Variants in RBFOX1 observed in about 807,000 individuals in gnomAD.
RBFOX1 encodes the protein RNA binding fox-1 homolog 1.
A neutral mutation model predicts 57.7 loss-of-function variants in RBFOX1; 8 were observed. That is an observed-to-expected ratio of 0.14 (90% confidence interval 0.08 to 0.25). The LOEUF is 0.25. Among genes scored for constraint, RBFOX1 ranks in the 10% least tolerant of loss-of-function variants. The pLI is 1.00. For missense variants in RBFOX1, 611 were observed against 548.5 expected (o/e 1.11, Z -1.14); for synonymous variants, 326 against 222.4 (o/e 1.47, Z -4.15).
chr16:6,786,269 G>T (rs577212748), intron 3 of RBFOX1, among the ~76,000 whole-genome samples: 1 of 152,224 alleles, frequency 6.6e-6, no homozygotes, highest in Non-Finnish European at 1.5e-5. Context: ...CAGGAGACGG[G>T]GCTTTTTGGC....
chr16:7,342,985 A>T (rs891085265), intron 4 of RBFOX1, among the ~76,000 whole-genome samples: 8 of 152,100 alleles, frequency 5.3e-5, no homozygotes, highest in African/African-American at 1.7e-4. Context: ...TTTGTCCAGA[A>T]CATGCTGGGA....
At chr16:5,389,948 C>T (rs924306480) in intron 1 of RBFOX1, among the ~76,000 whole-genome samples, 8 of 152,092 alleles carry the variant, frequency 5.3e-5, no homozygotes, top group Non-Finnish European at 7.4e-5. Context: ...ATCCCCCTTC[C>T]TCCGCCTCCC....
intron 2 of RBFOX1, among the ~76,000 whole-genome samples, chr16:6,458,435 T>C (rs2094830373): frequency 6.6e-6 from 1 of 152,194 alleles, no homozygotes; most frequent in Non-Finnish European, 1.5e-5. Flanking sequence ...ATTAGAAGAC[T>C]CAAATGAGAA....
intron 5 of RBFOX1, among the ~76,000 whole-genome samples, chr16:7,546,641 T>G (rs1182800552): frequency 2.0e-5 from 3 of 152,188 alleles, no homozygotes; most frequent in African/African-American, 7.2e-5. Flanking sequence ...TTTTGTGGAT[T>G]TCTCTTTAAC....
rs118137192 is a variant in RBFOX1 at position 7,197,887 on chromosome 16, A to C, written c.27+145789A>C. ...GAAAATTCACAGAGACAGAAAACAGAATGGGGGTTGCCAAGGGAGCAGGAA... is the reference window on the plus strand; with the variant it reads ...GAAAATTCACAGAGACAGAAAACAGCATGGGGGTTGCCAAGGGAGCAGGAA... On this transcript the variant is annotated intron_variant, in intron 4 of 15. Transcript: ENST00000550418. 1.2e-4 allele frequency among the ~76,000 whole-genome samples: 19 copies of C among 152,152 alleles called. No individual in the cohort carries two copies. In the East Asian group the frequency reaches 3.7e-3, roughly 29 times the overall value.
intron 1 of RBFOX1, among the ~76,000 whole-genome samples, chr16:6,210,682 C>A (rs1296064475): frequency 6.6e-6 from 1 of 151,854 alleles, no homozygotes; most frequent in Non-Finnish European, 1.5e-5. Context: ...GTGATTGTGC[C>A]ACTGCACTCC....
chr16:6,858,817 C>T, intron 3 of RBFOX1, among the ~76,000 whole-genome samples: 1 of 151,950 alleles, frequency 6.6e-6, no homozygotes, highest in East Asian at 1.9e-4. Flanking sequence ...TTCGCCTCTG[C>T]TGGTTAGAAG....
intron 4 of RBFOX1, among the ~76,000 whole-genome samples, chr16:5,887,454 T>G (rs940302495): frequency 6.6e-6 from 1 of 152,220 alleles, no homozygotes; most frequent in African/African-American, 2.4e-5. Context: ...CAGGCTGGAG[T>G]GCAGTGGTGC....
At chr16:5,673,260 C>T (rs1047056024) in intron 3 of RBFOX1, among the ~76,000 whole-genome samples, 8 of 152,074 alleles carry the variant, frequency 5.3e-5, no homozygotes, top group Admixed American at 4.6e-4. Context: ...CAACAAGAAG[C>T]AACCCACATT....
chr16:7,439,798 A>G (rs2098751654), intron 4 of RBFOX1, among the ~76,000 whole-genome samples: 1 of 152,106 alleles, frequency 6.6e-6, no homozygotes, highest in Non-Finnish European at 1.5e-5. Flanking sequence ...CTTGCTTGTC[A>G]AATTGGGATG....
chr16:7,698,470 A>G (rs2079538754), intron 14 of RBFOX1, among the ~76,000 whole-genome samples: 1 of 152,068 alleles, frequency 6.6e-6, no homozygotes, highest in Non-Finnish European at 1.5e-5. Flanking sequence ...ATTAGAAGCA[A>G]GTTCAGGGGT....
At chr16:5,696,230 T>C (rs982136404) in intron 3 of RBFOX1, among the ~76,000 whole-genome samples, 1 of 152,228 alleles carries the variant, frequency 6.6e-6, no homozygotes, top group African/African-American at 2.4e-5. Flanking sequence ...CCATTTTCAT[T>C]GTCTTCCTTA....
chr16:7,631,695 G>A (rs2060988580), intron 11 of RBFOX1, among the ~76,000 whole-genome samples: 1 of 152,110 alleles, frequency 6.6e-6, no homozygotes, highest in Non-Finnish European at 1.5e-5. Flanking sequence ...AGGAGAGCAG[G>A]AGTACCAGGC....
At chr16:6,539,282 T>C (rs1469235185) in intron 2 of RBFOX1, among the ~76,000 whole-genome samples, 1 of 152,136 alleles carries the variant, frequency 6.6e-6, no homozygotes, top group African/African-American at 2.4e-5. Flanking sequence ...TCCTTCAATT[T>C]CCTTGTGCCT....
rs148421648 is a variant in RBFOX1 at position 5,590,046 on chromosome 16, TACACAC to T, written c.259-8830_259-8825del. On this transcript the variant is annotated intron_variant, in intron 2 of 2. Coordinates refer to the RBFOX1 transcript ENST00000585867. ...TAGCGTTTCAGAGGAGTCTGCGTGT[TACACAC>T]ACACACACACACACACACACACACA... Among the ~76,000 whole-genome samples the T allele has an allele frequency of 3.9e-4, 56 of 142,950 alleles. 1 individual carries two copies. Among genetic ancestry groups the T allele is most frequent in the South Asian group, 7.0e-4 (3 of 4,294 alleles). 93.8% of individuals were successfully genotyped at this position (142,950 alleles called of 152,430 possible). A position where few individuals can be genotyped will look rare whatever the true frequency, so the allele number is the denominator to read the frequency against.
intron 3 of RBFOX1, among the ~76,000 whole-genome samples, chr16:6,779,689 C>G (rs1191267778): frequency 8.2e-6 from 1 of 121,542 alleles, no homozygotes; most frequent in African/African-American, 3.1e-5. Flanking sequence ...TATTGCCTAT[C>G]TTTATTTATT....
intron 4 of RBFOX1, among the ~76,000 whole-genome samples, chr16:5,980,950 G>A (rs1016326600): frequency 6.6e-6 from 1 of 152,144 alleles, no homozygotes; most frequent in African/African-American, 2.4e-5. Flanking sequence ...ATTTCTGGAA[G>A]TGATGTGGAG....
At chr16:7,478,811 C>A (rs193163633) in intron 4 of RBFOX1, among the ~76,000 whole-genome samples, 1 of 152,216 alleles carries the variant, frequency 6.6e-6, no homozygotes, top group Admixed American at 6.5e-5. Flanking sequence ...GTCTAGATGC[C>A]AACAATACCC....
chr16:5,835,444 G>T (rs942335882), intron 3 of RBFOX1, among the ~76,000 whole-genome samples: 3 of 152,190 alleles, frequency 2.0e-5, no homozygotes, highest in African/African-American at 7.2e-5. Flanking sequence ...GAGAAAGGGG[G>T]TTTTGAGTAT....
Sources: gnomAD v4.1 joint callset for allele counts (sites outside exome capture counted in the v4.1 genomes callset) on GRCh38, gnomAD v4.1.1 for gene constraint, MANE v1.5 for transcripts, NCBI Gene and HGNC (gene_info 2026-07-23, HGNC 2026-07-21) for gene names.